The following CTNNBL1 variants were observed in gnomAD, a reference collection of about 807,000 sequenced individuals.
CTNNBL1 encodes catenin beta like 1.
In CTNNBL1, 31 loss-of-function variants were observed where a neutral mutation model predicts 72.7. That is an observed-to-expected ratio of 0.43 (90% CI 0.32 to 0.58). CTNNBL1 has a LOEUF of 0.58. CTNNBL1 is among the 20% of genes least tolerant of loss of function. The pLI, the probability that CTNNBL1 is intolerant of heterozygous loss-of-function variation, is 0.08. For missense variants in CTNNBL1, 534 were observed against 725.1 expected (o/e 0.74, Z 3.03); for synonymous variants, 240 against 267.3 (o/e 0.90, Z 1.00).
chr20:37,840,548 G>A (rs2072295034), intron 12 of CTNNBL1, among the ~76,000 whole-genome samples: 1 of 152,212 alleles, frequency 6.6e-6, no homozygotes, highest in African/African-American at 2.4e-5. Context: ...ATTTGAACCT[G>A]TTTTCGCTGC....
intron 13 of CTNNBL1, among the ~76,000 whole-genome samples, chr20:37,855,857 G>C (rs1247195025): frequency 6.6e-6 from 1 of 152,056 alleles, no homozygotes; most frequent in Non-Finnish European, 1.5e-5. Flanking sequence ...CCCCAGCCAT[G>C]CAAATCTCAG....
At chr20:37,842,305 C>T in intron 12 of CTNNBL1, 34 bp from the exon 13 acceptor site, 3 of 1,472,598 alleles carry the variant, frequency 2.0e-6, no homozygotes, top group Admixed American at 1.7e-5. Context: ...GTTGTCTTTC[C>T]TTCTCACTCA....
At chr20:37,711,888 CG>C (rs1412047742) in intron 1 of CTNNBL1, among the ~76,000 whole-genome samples, 1 of 152,040 alleles carries the variant, frequency 6.6e-6, no homozygotes, top group Non-Finnish European at 1.5e-5. Context: ...GGGTCAGCTT[CG>C]GGGAGGAGGG....
chr20:37,860,400 T>G, intron 15 of CTNNBL1, 56 bp downstream of exon 15: 1 of 1,342,856 alleles, frequency 7.4e-7, no homozygotes, highest in Non-Finnish European at 1.1e-6. Context: ...ATGCTTACTT[T>G]CTGAGCCTCT....
chr20:37,767,923 C>T, intron 6 of CTNNBL1, 30 bp from the exon 7 acceptor site: 2 of 1,592,928 alleles, frequency 1.3e-6, no homozygotes, highest in South Asian at 2.2e-5. Flanking sequence ...AAGTTGTCCT[C>T]CCAAATGACT....
chr20:37,706,009 A>C (rs1473126282), intron 1 of CTNNBL1, among the ~76,000 whole-genome samples: 1 of 152,256 alleles, frequency 6.6e-6, no homozygotes, highest in Non-Finnish European at 1.5e-5. Context: ...TGCATATTAA[A>C]GTTCTGTTTA....
intron 11 of CTNNBL1, among the ~76,000 whole-genome samples, chr20:37,835,901 C>A (rs2294439): frequency 0.36 from 54,944 of 151,982 alleles, 10,237 homozygotes; most frequent in South Asian, 0.43. Context: ...GCAAAATTTT[C>A]CCCCTGAAAA....
intron 15 of CTNNBL1, among the ~76,000 whole-genome samples, chr20:37,862,983 A>T (rs190375991): frequency 3.9e-5 from 6 of 152,350 alleles, no homozygotes; most frequent in African/African-American, 1.4e-4. Flanking sequence ...ACATTAGAAT[A>T]TAAGCTCCAT....
chr20:37,856,009 G>A (rs745816062), intron 13 of CTNNBL1, among the ~76,000 whole-genome samples: 1 of 152,108 alleles, frequency 6.6e-6, no homozygotes, highest in Non-Finnish European at 1.5e-5. Context: ...GGCCGAGGCA[G>A]TTAGATCACC....
chr20:37,699,376 T>A (rs2072820675), intron 1 of CTNNBL1, among the ~76,000 whole-genome samples: 1 of 152,184 alleles, frequency 6.6e-6, no homozygotes, highest in African/African-American at 2.4e-5. Context: ...TCACATTTAA[T>A]TCTCAACATG....
At chr20:37,726,581 T>C (rs1600447305) in intron 1 of CTNNBL1, among the ~76,000 whole-genome samples, 1 of 152,206 alleles carries the variant, frequency 6.6e-6, no homozygotes, top group African/African-American at 2.4e-5. Context: ...TTGTTTGATA[T>C]CTAGGAAACA....
At chr20:37,739,078 CTGTGTGTG>C (rs34184566) in intron 3 of CTNNBL1, among the ~76,000 whole-genome samples, 12,918 of 147,354 alleles carry the variant, frequency 0.088, 1,432 homozygotes, top group African/African-American at 0.27. Flanking sequence ...TACAGGAGCA[CTGTGTGTG>C]TGTGTGTGTG....
chr20:37,841,096 C>A (rs1310814344), intron 12 of CTNNBL1, among the ~76,000 whole-genome samples: 1 of 152,222 alleles, frequency 6.6e-6, no homozygotes, highest in Admixed American at 6.5e-5. Context: ...AGATGACTTT[C>A]ATCGTTGCAT....
chr20:37,742,738 TA>T (rs1324536602), intron 3 of CTNNBL1, among the ~76,000 whole-genome samples: 1 of 152,024 alleles, frequency 6.6e-6, no homozygotes, highest in Non-Finnish European at 1.5e-5. Context: ...AAAAAAATAA[TA>T]AAATACTTGA....
intron 1 of CTNNBL1, among the ~76,000 whole-genome samples, chr20:37,707,921 G>T (rs1488145242): frequency 1.4e-5 from 2 of 142,334 alleles, no homozygotes; most frequent in Non-Finnish European, 3.1e-5. Context: ...AGAATAGGGA[G>T]ACCTGAGGAG....
chr20:37,790,847 C>T (rs1463251730), intron 10 of CTNNBL1, among the ~76,000 whole-genome samples: 3 of 152,226 alleles, frequency 2.0e-5, no homozygotes, highest in Admixed American at 6.5e-5. Flanking sequence ...CATACCCCCA[C>T]TGCAAGCATG....
At chr20:37,696,359 T>G (rs1479041194) in intron 1 of CTNNBL1, among the ~76,000 whole-genome samples, 1 of 152,144 alleles carries the variant, frequency 6.6e-6, no homozygotes, top group Non-Finnish European at 1.5e-5. Flanking sequence ...TGTGACTAGT[T>G]TCGAATTTAG....
In CTNNBL1 at chr20:37,706,131, G is replaced by A. The variant is rs555228547; in HGVS notation, c.30+11979G>A. ...CTGCTAACCATCATCTGAGCCTTCA[G>A]CAAGTTATCTTTTTGCTGGTGGATG... On this transcript the variant is annotated intron_variant, in intron 1 of 15. Coordinates refer to ENST00000361383, the MANE Select transcript of CTNNBL1 (RefSeq NM_030877.5). Among the ~76,000 whole-genome samples the A allele has an allele frequency of 3.8e-4, 58 of 152,344 alleles. No individual in the cohort carries two copies. The South Asian group carries it at 4.6e-3, about 12-fold the overall frequency.
chr20:37,729,275 T>G (rs2073110586), intron 1 of CTNNBL1, among the ~76,000 whole-genome samples: 1 of 152,150 alleles, frequency 6.6e-6, no homozygotes, highest in Non-Finnish European at 1.5e-5. Context: ...TATTAAAAGA[T>G]CTTAGGTATC....
Sources: gnomAD v4.1 joint callset for allele counts (sites outside exome capture counted in the v4.1 genomes callset) on GRCh38, gnomAD v4.1.1 for gene constraint, MANE v1.5 for transcripts, NCBI Gene and HGNC (gene_info 2026-07-23, HGNC 2026-07-21) for gene names.